The following TMEM108 variants were observed in gnomAD, a reference collection of about 807,000 sequenced individuals.
The protein encoded by TMEM108 is cancer/testis antigen 124.
Under a neutral mutation model 35.1 loss-of-function variants are expected in TMEM108, and 12 were observed. The ratio of observed to expected loss-of-function variants is 0.34; its 90% CI spans 0.22 to 0.55. The LOEUF (loss-of-function observed/expected upper bound fraction) is 0.55, where lower values mean the gene tolerates loss of function less well. TMEM108 is among the 20% of genes least tolerant of loss of function. TMEM108 has a pLI of 0.89. For synonymous variants in TMEM108, 287 were observed against 308.6 expected, an observed-to-expected ratio of 0.93 and a Z score of 0.73; for missense variants, 680 against 753.3, an observed-to-expected ratio of 0.90 and a Z score of 1.14.
chr3:133,266,659 T>A (rs966371085), intron 3 of TMEM108, among the ~76,000 whole-genome samples: 2 of 152,200 alleles, frequency 1.3e-5, no homozygotes, highest in Non-Finnish European at 2.9e-5. Flanking sequence ...TTAAGTGCAC[T>A]AAAGTCAGTC....
intron 3 of TMEM108, among the ~76,000 whole-genome samples, chr3:133,238,382 G>A (rs1946268780): frequency 6.6e-6 from 1 of 152,146 alleles, no homozygotes. Flanking sequence ...GATGCTAGTA[G>A]TTTTAAGAGC....
chr3:133,297,201 C>A (rs531176429), intron 3 of TMEM108, among the ~76,000 whole-genome samples: 1 of 152,292 alleles, frequency 6.6e-6, no homozygotes, highest in Admixed American at 6.5e-5. Context: ...CAGATGTGTG[C>A]GTGGCTGAGG....
chr3:133,268,971 G>A (rs1576423585), intron 3 of TMEM108, among the ~76,000 whole-genome samples: 1 of 152,302 alleles, frequency 6.6e-6, no homozygotes, highest in African/African-American at 2.4e-5. Flanking sequence ...TGTCTGCCAG[G>A]AAATTCATTA....
chr3:133,315,085 A>G (rs903418657), intron 3 of TMEM108, among the ~76,000 whole-genome samples: 3 of 152,256 alleles, frequency 2.0e-5, no homozygotes, highest in Admixed American at 6.5e-5. Flanking sequence ...GGTTGTTGTA[A>G]GAACTAAAGA....
At chr3:133,232,190 C>T (rs1192076094) in intron 3 of TMEM108, among the ~76,000 whole-genome samples, 4 of 152,176 alleles carry the variant, frequency 2.6e-5, no homozygotes, top group East Asian at 3.9e-4. Flanking sequence ...AATTTTATCC[C>T]GTTTTGGAGG....
intron 2 of TMEM108, among the ~76,000 whole-genome samples, chr3:133,212,163 T>A (rs1945842053): frequency 6.6e-6 from 1 of 152,198 alleles, no homozygotes; most frequent in African/African-American, 2.4e-5. Flanking sequence ...TGTACATTTC[T>A]GAATTATGAA....
intron 2 of TMEM108, among the ~76,000 whole-genome samples, chr3:133,183,295 C>A (rs578216500): frequency 6.6e-6 from 1 of 152,056 alleles, no homozygotes; most frequent in South Asian, 2.1e-4. Flanking sequence ...AATACATTTC[C>A]CTCTTCCTCT....
chr3:133,359,181 A>G (rs1386812353), intron 3 of TMEM108, among the ~76,000 whole-genome samples: 1 of 152,208 alleles, frequency 6.6e-6, no homozygotes, highest in Non-Finnish European at 1.5e-5. Flanking sequence ...CCCTGAGAGT[A>G]TTCTACAGAA....
chr3:133,395,814 C>T, intron 5 of TMEM108, 50 bp from the exon 6 acceptor site: 1 of 1,474,982 alleles, frequency 6.8e-7, no homozygotes, highest in Non-Finnish European at 9.0e-7. Context: ...AGAATGGCCA[C>T]CTCTTAAGCC....
chr3:133,048,017 C>T (rs1053548521), intron 2 of TMEM108, among the ~76,000 whole-genome samples: 1 of 152,086 alleles, frequency 6.6e-6, no homozygotes, highest in Non-Finnish European at 1.5e-5. Flanking sequence ...GAATGCTGGA[C>T]TCTTGAGTTT....
intron 2 of TMEM108, among the ~76,000 whole-genome samples, chr3:133,167,282 C>A (rs928573604): frequency 6.6e-6 from 1 of 152,272 alleles, no homozygotes; most frequent in African/African-American, 2.4e-5. Context: ...AATCCTCCAG[C>A]TAGACATAAA....
intron 3 of TMEM108, among the ~76,000 whole-genome samples, chr3:133,375,661 AAG>A (rs1333278175): frequency 6.6e-6 from 1 of 152,196 alleles, no homozygotes; most frequent in Non-Finnish European, 1.5e-5. Flanking sequence ...TGTGCCAAAG[AAG>A]AGAGGTAAAT....
At chr3:133,312,112 C>T (rs2071136871) in intron 3 of TMEM108, among the ~76,000 whole-genome samples, 1 of 152,218 alleles carries the variant, frequency 6.6e-6, no homozygotes, top group African/African-American at 2.4e-5. Context: ...AGCTTCATCC[C>T]AGAGGGGTGC....
At chr3:133,070,326 G>T (rs551767877) in intron 2 of TMEM108, among the ~76,000 whole-genome samples, 102 of 152,304 alleles carry the variant, frequency 6.7e-4, no homozygotes, top group Admixed American at 2.1e-3. Flanking sequence ...GTGAGGACAA[G>T]AGAGGAGTAC....
At position 133,397,642 on chromosome 3, in the gene TMEM108, AATTT is replaced by A. The variant is rs1474383141; in HGVS notation, c.*1659_*1662del. 3 of 152,166 alleles carry A rather than the reference AATTT, an allele frequency of 2.0e-5. No individual in the cohort carries two copies. The highest frequency in any genetic ancestry group is 2.9e-5 in the Non-Finnish European group (2 of 68,038). 9.4% of individuals were successfully genotyped at this position (152,166 alleles called of 1,614,324 possible). A position where few individuals can be genotyped will look rare whatever the true frequency, so the allele number is the denominator to read the frequency against. ...AGAGAAAAATCTGTTTGTAAAGTAA[AATTT>A]ATATATAATATATGTAATCAAAGAT... On this transcript the variant is annotated 3_prime_UTR_variant, in exon 6 of 6. Transcript: ENST00000321871.
chr3:133,341,566 A>G (rs1242094847), intron 3 of TMEM108, among the ~76,000 whole-genome samples: 1 of 151,900 alleles, frequency 6.6e-6, no homozygotes, highest in African/African-American at 2.4e-5. Context: ...AACTGCAAAG[A>G]TCTAGAATAG....
In TMEM108 at chr3:133,267,157, G is replaced by A. The variant is rs551964580; in HGVS notation, c.40+37806G>A. On this transcript the variant is annotated intron_variant, in intron 3 of 5. Coordinates refer to ENST00000321871, the MANE Select transcript of TMEM108 (RefSeq NM_023943.4). ...GCCACCATTCTAGTGCAATTGACTCGTTCATTTATTTATTCCAACATGTAG... is the reference window on the plus strand; with the variant it reads ...GCCACCATTCTAGTGCAATTGACTCATTCATTTATTTATTCCAACATGTAG... 1.3e-4 allele frequency among the ~76,000 whole-genome samples: 19 copies of A among 151,886 alleles called. No homozygotes were observed. In the South Asian group the frequency reaches 2.7e-3, roughly 22 times the overall value.
At chr3:133,395,810 G>A in intron 5 of TMEM108, 54 bp from the exon 6 acceptor site, 1 of 1,457,146 alleles carries the variant, frequency 6.9e-7, no homozygotes, top group Non-Finnish European at 9.1e-7. Flanking sequence ...TTTAAGAATG[G>A]CCACCTCTTA....
At chr3:133,169,279 T>C (rs1945092259) in intron 2 of TMEM108, among the ~76,000 whole-genome samples, 1 of 152,032 alleles carries the variant, frequency 6.6e-6, no homozygotes, top group Non-Finnish European at 1.5e-5. Context: ...AATATTAACT[T>C]TGTTTATCAC....
Sources: gnomAD v4.1 joint callset for allele counts (sites outside exome capture counted in the v4.1 genomes callset) on GRCh38, gnomAD v4.1.1 for gene constraint, MANE v1.5 for transcripts, NCBI Gene and HGNC (gene_info 2026-07-23, HGNC 2026-07-21) for gene names.